The following SLC25A22 variants were observed in gnomAD, a reference collection of about 807,000 sequenced individuals.
SLC25A22 encodes the protein mitochondrial glutamate carrier 1.
In SLC25A22, 23 loss-of-function variants were observed where a neutral mutation model predicts 33.7. The observed-to-expected ratio is 0.68, with a 90% CI of 0.49 to 0.97. The LOEUF (loss-of-function observed/expected upper bound fraction) is 0.97. SLC25A22 is among the 50% of genes least tolerant of loss of function. SLC25A22 has a pLI of 0.00. For missense variants in SLC25A22, 390 were observed against 451.1 expected (o/e 0.86, Z 1.23); for synonymous variants, 245 against 203.8 (o/e 1.20, Z -1.72).
At chr11:795,871 G>A (rs1864799639) in intron 1 of SLC25A22, among the ~76,000 whole-genome samples, 1 of 152,046 alleles carries the variant, frequency 6.6e-6, no homozygotes, top group Non-Finnish European at 1.5e-5. Flanking sequence ...CCTGTGGCTG[G>A]CACCCCCATC....
At chr11:794,087 G>C in intron 4 of SLC25A22, 1 of 535,864 alleles carries the variant, frequency 1.9e-6, no homozygotes, top group Non-Finnish European at 3.5e-6. Context: ...CCAAATCTAG[G>C]CTCTGGATTG....
intron 1 of SLC25A22, 112 bp downstream of exon 1, chr11:798,105 A>G (rs1864933569): frequency 7.4e-6 from 2 of 268,742 alleles, no homozygotes; most frequent in Non-Finnish European, 6.8e-6. Flanking sequence ...CCGCCAGGCC[A>G]CGTTGTTCGG....
chr11:792,258 C>T (rs2133698973), intron 8 of SLC25A22, 41 bp from the exon 9 acceptor site: 1 of 1,613,028 alleles, frequency 6.2e-7, no homozygotes, highest in Non-Finnish European at 8.5e-7. Flanking sequence ...TGGCCAAGGG[C>T]TCAGTCCCGC....
chr11:793,703 C>CA, intron 4 of SLC25A22, 84 bp from the exon 5 acceptor site: 1 of 942,478 alleles, frequency 1.1e-6, no homozygotes, highest in South Asian at 1.3e-5. Context: ...TCCTGGCTGG[C>CA]AAAACCCTGT....
Position 792,425 on chromosome 11 carries a change from G to C in SLC25A22, c.621C>G (p.Leu207=). 6.2e-7 allele frequency: 1 copy of C among 1,613,470 alleles called. No individual in the cohort carries two copies. Among genetic ancestry groups the C allele is most frequent in the Non-Finnish European group, 8.5e-7 (1 of 1,179,962 alleles). ...GGCCCAGCTGGTTCAGGTTGGCAAA[G>C]AGCGGGAAGTACACCACAGAGAAGG... ...DVPFSVVYFP[L]FANLNQLGRP... Residue 207 remains leucine (L), a synonymous_variant, in exon 8 of 10, where the codon CTC becomes CTG. Coordinates refer to ENST00000628067, the MANE Select transcript of SLC25A22 (RefSeq NM_001191061.2).
At position 792,406 on chromosome 11, in the gene SLC25A22, G is replaced by A; in HGVS notation, c.640C>T (p.Leu214=). Residue 214 remains leucine (L), a synonymous_variant, in exon 8 of 10, where the codon CTG becomes TTG. Transcript: ENST00000628067. ...TTCTCCTCGGACGCCGGGCGGCCCA[G>A]CTGGTTCAGGTTGGCAAAGAGCGGG... ...YFPLFANLNQ[L]GRPASEEKSP... 1 of 1,613,466 alleles carries A rather than the reference G, an allele frequency of 6.2e-7. No homozygotes were observed. Among genetic ancestry groups the A allele is most frequent in the Non-Finnish European group, 8.5e-7 (1 of 1,179,968 alleles).
In SLC25A22 at chr11:795,180, G is replaced by A; in HGVS notation, c.-163-11C>T. 2.5e-6 allele frequency: 2 copies of A among 796,416 alleles called. No homozygotes were observed. The highest frequency in any genetic ancestry group is 4.2e-6 in the Non-Finnish European group (2 of 475,920). The allele number at this position is 796,416 out of a possible 1,614,324, so 49.3% of individuals were successfully genotyped here. ...ACCGCCACTTCTGTCCTAGAAGGAT[G>A]AGGGAATGGGAATGAGTGAGGGTGG... On this transcript the variant is annotated splice_polypyrimidine_tract_variant and intron_variant, in intron 1 of 9. Transcript: ENST00000628067.
intron 1 of SLC25A22, chr11:797,601 GCTC>G: frequency 2.5e-6 from 1 of 398,618 alleles, no homozygotes; most frequent in East Asian, 3.6e-5. Flanking sequence ...AAGCCGCCAG[GCTC>G]CTCCTACCCC....
intron 1 of SLC25A22, 103 bp downstream of exon 1, chr11:798,114 G>T: frequency 2.5e-6 from 1 of 397,460 alleles, no homozygotes. Context: ...CACGTTGTTC[G>T]GGCAGCTGTC....
At chr11:797,649 G>C (rs1169488046) in intron 1 of SLC25A22, 2 of 398,578 alleles carry the variant, frequency 5.0e-6, no homozygotes, top group Admixed American at 8.8e-5. Flanking sequence ...TCCGAGTCTG[G>C]CCGGCGGCTC....
In SLC25A22 at chr11:791,432, C is replaced by T; in HGVS notation, c.*483G>A. 5.2e-6 allele frequency: 1 copy of T among 192,496 alleles called. No individual in the cohort carries two copies. Among genetic ancestry groups the T allele is most frequent in the Non-Finnish European group, 1.1e-5 (1 of 91,868 alleles). 11.9% of individuals were successfully genotyped at this position (192,496 alleles called of 1,614,324 possible). A position where few individuals can be genotyped will look rare whatever the true frequency, so the allele number is the denominator to read the frequency against. On this transcript the variant is annotated 3_prime_UTR_variant, in exon 10 of 10. Coordinates refer to ENST00000628067, the MANE Select transcript of SLC25A22 (RefSeq NM_001191061.2). Reference sequence around the variant, plus strand: ...GCCAGGGAGGCAGAGTCAAGTCCTGCCAAGGCGACAAGAGCGGCTGGGGAA... The same window carrying T: ...GCCAGGGAGGCAGAGTCAAGTCCTGTCAAGGCGACAAGAGCGGCTGGGGAA...
chr11:794,657 G>A, intron 3 of SLC25A22, 119 bp downstream of exon 3: 2 of 1,527,836 alleles, frequency 1.3e-6, no homozygotes, highest in Non-Finnish European at 1.8e-6. Flanking sequence ...ATCTCCCCTA[G>A]GCCCGCCTGC....
In SLC25A22 at chr11:795,377, CCCA is replaced by C. The variant is rs1565041215; in HGVS notation, c.-163-211_-163-209del. On this transcript the variant is annotated intron_variant, in intron 1 of 9. Transcript: ENST00000628067. ...CTGGCTTCCTTTCAGTCCCCCCCTC[CCCA>C]CCGCCAGCGTCTTCCCAGCCAGCCT... 2.6e-3 allele frequency: 984 copies of C among 374,046 alleles called. 3 individuals are homozygous for C. The highest frequency in any genetic ancestry group is 7.8e-3 in the South Asian group (309 of 39,438). 23.2% of individuals were successfully genotyped at this position (374,046 alleles called of 1,614,324 possible). A position where few individuals can be genotyped will look rare whatever the true frequency, so the allele number is the denominator to read the frequency against.
chr11:794,444 G>T lies in SLC25A22; in HGVS notation c.202+14C>A, dbSNP rs587781168. On this transcript the variant is annotated intron_variant, in intron 4 of 9. Transcript: ENST00000628067. The stretch of plus-strand genomic sequence containing the variant: ...AGGCCTGCCCATATCGAGCCCAGCC[G>T]AGCCAAACCTCACCCCGGTACATGC... 1 of 1,612,158 alleles carries T rather than the reference G, an allele frequency of 6.2e-7. No individual in the cohort carries two copies. Among genetic ancestry groups the T allele is most frequent in the Non-Finnish European group, 8.5e-7 (1 of 1,179,588 alleles).
At chr11:797,766 G>A (rs1864914682) in intron 1 of SLC25A22, 5 of 398,558 alleles carry the variant, frequency 1.3e-5, no homozygotes, top group South Asian at 2.5e-4. Flanking sequence ...TCGGCCAGAG[G>A]ACAAAGGAGA....
Position 795,138 on chromosome 11 carries a change from A to G in SLC25A22, c.-132T>C, listed in dbSNP as rs1864737983. On this transcript the variant is annotated 5_prime_UTR_variant, in exon 2 of 10. Coordinates refer to ENST00000628067, the MANE Select transcript of SLC25A22 (RefSeq NM_001191061.2). Reference sequence around the variant, plus strand: ...TGGGTGGTGCTCCACCTTCAGGGGAATTTCCAGGCGTCAGCAACCGCCACT... The same window carrying G: ...TGGGTGGTGCTCCACCTTCAGGGGAGTTTCCAGGCGTCAGCAACCGCCACT... The G allele has an allele frequency of 1.7e-6, 2 of 1,158,942 alleles. No individual in the cohort carries two copies. The highest frequency in any genetic ancestry group is 2.5e-6 in the Non-Finnish European group (2 of 804,150). 71.8% of individuals were successfully genotyped at this position (1,158,942 alleles called of 1,614,324 possible). A position where few individuals can be genotyped will look rare whatever the true frequency, so the allele number is the denominator to read the frequency against.
Position 792,366 on chromosome 11 carries a change from AC to A in SLC25A22, c.679del (p.Val227CysfsTer23). 6.2e-7 allele frequency: 1 copy of A among 1,613,226 alleles called. No homozygotes were observed. The highest frequency in any genetic ancestry group is 8.5e-7 in the Non-Finnish European group (1 of 1,179,930). On this transcript the variant is annotated frameshift_variant, in exon 8 of 10. Transcript: ENST00000628067. LOFTEE classifies it high-confidence loss of function. ...PASEEKSPFY[V>X]SFLAGCVAGS... ...AGCCACACAGCCGGCCAGGAAGGAC[AC>A]GTAGAAAGGCGACTTCTCCTCGGAC... is the stretch of plus-strand genomic sequence containing the variant.
chr11:798,085 C>A (rs1402251089), intron 1 of SLC25A22, 132 bp downstream of exon 1: 3 of 398,168 alleles, frequency 7.5e-6, no homozygotes, highest in African/African-American at 6.2e-5. Flanking sequence ...TCCAGGACCC[C>A]CCCTCCCGCC....
chr11:798,034 C>T (rs945593846), intron 1 of SLC25A22, 183 bp downstream of exon 1: 13 of 398,268 alleles, frequency 3.3e-5, no homozygotes, highest in Non-Finnish European at 4.9e-5. Context: ...CCGAGCACGG[C>T]GTCTCACGCC....
Sources: gnomAD v4.1 joint callset for allele counts (sites outside exome capture counted in the v4.1 genomes callset) on GRCh38, gnomAD v4.1.1 for gene constraint, MANE v1.5 for transcripts, NCBI Gene and HGNC (gene_info 2026-07-23, HGNC 2026-07-21) for gene names.